Variants in SRL observed in about 807,000 individuals in gnomAD.
SRL encodes the protein sarcalumenin.
SRL carries 23 observed loss-of-function variants against 39.5 expected under a neutral mutation model. The observed-to-expected ratio is 0.58, with a 90% CI of 0.42 to 0.82. The LOEUF (loss-of-function observed/expected upper bound fraction) is 0.82. SRL is among the 40% of genes least tolerant of loss of function. The pLI is 0.00. For synonymous variants in SRL, 272 were observed against 237.4 expected (o/e 1.15, Z -1.34); for missense variants, 592 against 607.8 (o/e 0.97, Z 0.27).
intron 1 of SRL, among the ~76,000 whole-genome samples, chr16:4,221,804 C>T (rs8063163): frequency 0.052 from 7,968 of 152,252 alleles, 718 homozygotes; most frequent in African/African-American, 0.18. Flanking sequence ...GAGACTCCTT[C>T]GTTGCCTCTC....
intron 4 of SRL, among the ~76,000 whole-genome samples, chr16:4,195,988 T>G (rs895056152): frequency 1.3e-5 from 2 of 151,804 alleles, no homozygotes; most frequent in Admixed American, 6.6e-5. Flanking sequence ...TGAGATGGAG[T>G]CTTGCTCTGT....
intron 1 of SRL, among the ~76,000 whole-genome samples, chr16:4,224,142 G>A (rs924646256): frequency 1.3e-5 from 2 of 152,116 alleles, no homozygotes; most frequent in African/African-American, 4.8e-5. Flanking sequence ...GAGGAGAGGA[G>A]GAGGGAGAGA....
At chr16:4,212,214 T>TG (rs1417114322) in intron 1 of SRL, among the ~76,000 whole-genome samples, 2 of 152,156 alleles carry the variant, frequency 1.3e-5, no homozygotes, top group Non-Finnish European at 2.9e-5. Context: ...CTAAACAATT[T>TG]GGAGTAAAAA....
At chr16:4,194,412 C>T (rs1418879423) in intron 5 of SRL, among the ~76,000 whole-genome samples, 2 of 152,156 alleles carry the variant, frequency 1.3e-5, no homozygotes, top group East Asian at 3.8e-4. Flanking sequence ...ATTAGCATTC[C>T]CCTGCTACCT....
At chr16:4,200,366 A>C (rs552926369) in intron 3 of SRL, among the ~76,000 whole-genome samples, 1 of 152,306 alleles carries the variant, frequency 6.6e-6, no homozygotes, top group East Asian at 1.9e-4. Flanking sequence ...ACAAACCACA[A>C]ACAGGGCCCT....
At chr16:4,227,073 T>TGGATG (rs1463266299) in intron 1 of SRL, among the ~76,000 whole-genome samples, 1 of 102,378 alleles carries the variant, frequency 9.8e-6, no homozygotes, top group African/African-American at 4.0e-5. Flanking sequence ...GATGGATGGA[T>TGGATG]GATGGATGGA....
At position 4,203,187 on chromosome 16, in the gene SRL, G is replaced by A; in HGVS notation, c.238C>T (p.Leu80Phe). 1 of 1,614,154 alleles carries A rather than the reference G, an allele frequency of 6.2e-7. No individual in the cohort carries two copies. The highest frequency in any genetic ancestry group is 8.5e-7 in the Non-Finnish European group (1 of 1,179,968). ...PLEQSYKYNE[L>F]RQHEITDGEI... ...CTACCTGTGATCTCATGCTGCCGGA[G>A]CTCATTGTACTTGTAGGACTGCTCC... is the stretch of plus-strand genomic sequence containing the variant. Residue 80 changes from leucine to phenylalanine, a missense_variant, in exon 3 of 6, where the codon CTC becomes TTC. Coordinates refer to ENST00000399609, the MANE Select transcript of SRL (RefSeq NM_001098814.2).
chr16:4,211,184 G>T (rs2052387690), intron 1 of SRL, among the ~76,000 whole-genome samples: 1 of 151,832 alleles, frequency 6.6e-6, no homozygotes, highest in South Asian at 2.1e-4. Flanking sequence ...AAGTTCTTAG[G>T]TAACACACAA....
rs2052068789 is a variant in SRL at position 4,191,789 on chromosome 16, T to C, written c.*364A>G. The C allele has an allele frequency of 5.1e-6, 1 of 194,336 alleles. No homozygotes were observed. The highest frequency in any genetic ancestry group is 1.0e-5 in the Non-Finnish European group (1 of 95,758). 12.0% of individuals were successfully genotyped at this position (194,336 alleles called of 1,614,324 possible). A position where few individuals can be genotyped will look rare whatever the true frequency, so the allele number is the denominator to read the frequency against. ...CTCAGGCCTTCGCTGTTTTCCCAGC[T>C]CACAGGGAACAAAGGAATTTCAGCT... On this transcript the variant is annotated 3_prime_UTR_variant, in exon 6 of 6. Coordinates refer to ENST00000399609, the MANE Select transcript of SRL (RefSeq NM_001098814.2).
rs760111411 is a variant in SRL, at chr16:4,195,583, T to A, written c.580A>T (p.Ile194Phe). 6.2e-7 allele frequency: 1 copy of A among 1,614,174 alleles called. No individual in the cohort carries two copies. Among genetic ancestry groups the A allele is most frequent in the Non-Finnish European group, 8.5e-7 (1 of 1,180,022 alleles). The change falls in exon 5 of 6, where the codon ATC (isoleucine) becomes TTC (phenylalanine). Residue 194 changes from isoleucine to phenylalanine, a missense_variant. Coordinates refer to ENST00000399609, the MANE Select transcript of SRL (RefSeq NM_001098814.2). ...ERVTFVDTPG[I>F]IENRKQQERG... is the part of the protein sequence containing the mutation. ...TCTTGCTGCTTGCGGTTCTCGATGA[T>A]GCCTGGTGTATCCACAAAAGTGACC...
At chr16:4,195,861 G>A in intron 4 of SRL, 75 bp from the exon 5 acceptor site, 1 of 1,276,160 alleles carries the variant, frequency 7.8e-7, no homozygotes, top group Non-Finnish European at 1.1e-6. Flanking sequence ...ATGTGTATAT[G>A]CCTGGTGTCA....
intron 1 of SRL, among the ~76,000 whole-genome samples, chr16:4,216,708 A>G (rs1356600876): frequency 1.3e-5 from 2 of 152,222 alleles, no homozygotes; most frequent in Non-Finnish European, 2.9e-5. Flanking sequence ...CCTGCAGTGA[A>G]CAGAAATCCT....
intron 1 of SRL, among the ~76,000 whole-genome samples, chr16:4,227,776 C>A (rs1445718663): frequency 6.6e-6 from 1 of 152,150 alleles, no homozygotes; most frequent in Non-Finnish European, 1.5e-5. Context: ...TATTAAAAGG[C>A]CCCAGAGGAG....
At chr16:4,212,587 ATCC>A (rs1360408043) in intron 1 of SRL, among the ~76,000 whole-genome samples, 1 of 152,180 alleles carries the variant, frequency 6.6e-6, no homozygotes, top group Non-Finnish European at 1.5e-5. Flanking sequence ...GTCTTGGTCT[ATCC>A]TGGGACATGA....
At chr16:4,235,450 C>T (rs1468012755) in intron 1 of SRL, among the ~76,000 whole-genome samples, 1 of 152,222 alleles carries the variant, frequency 6.6e-6, no homozygotes, top group Admixed American at 6.5e-5. Context: ...AGCCCCATCA[C>T]TTTGGGAGAC....
intron 3 of SRL, among the ~76,000 whole-genome samples, chr16:4,199,693 CTTTTTTTTTTT>C (rs35631556): frequency 1.0e-5 from 1 of 96,424 alleles, no homozygotes; most frequent in Non-Finnish European, 2.0e-5. Flanking sequence ...TTTTCTTTTC[CTTTTTTTTTTT>C]TTTTTTTTTT....
chr16:4,232,370 C>A (rs988435758), intron 1 of SRL, among the ~76,000 whole-genome samples: 6 of 152,210 alleles, frequency 3.9e-5, no homozygotes, highest in Admixed American at 3.3e-4. Context: ...AAGTAATCAA[C>A]AAATTGGCTA....
chr16:4,192,266 G>A lies in SRL; in HGVS notation c.1309C>T (p.Gln437Ter). 1.2e-6 allele frequency: 2 copies of A among 1,614,090 alleles called. No homozygotes were observed. Among genetic ancestry groups the A allele is most frequent in the Non-Finnish European group, 1.7e-6 (2 of 1,179,984 alleles). ...FLEKIERAIT[Q>*]ELPGLLGSLG... ...CTACCCAGGAGGCCCGGAAGCTCCT[G>A]AGTGATGGCCCGCTCAATCTTCTCC... Residue 437 changes from glutamine to a stop codon, truncating the protein, a stop_gained, in exon 6 of 6, where the codon CAG becomes TAG. Coordinates refer to ENST00000399609, the MANE Select transcript of SRL (RefSeq NM_001098814.2). LOFTEE classifies it high-confidence loss of function. The surrounding 1 kb of genome is among the most constrained non-coding windows in gnomAD (Gnocchi z 4.0).
chr16:4,192,945 C>G lies in SRL; in HGVS notation c.630G>C (p.Val210=). ...CAGCTCTGTCGATGAACCACTGGCA[C>G]ACGTCGTTGAAGGGGTAGCCTTTGG... ...QQERGYPFND[V]CQWFIDRADL... is the part of the protein sequence containing the mutation. Residue 210 remains valine, a synonymous_variant, in exon 6 of 6, where the codon GTG becomes GTC. Transcript: ENST00000399609. The surrounding 1 kb of genome is among the most constrained non-coding windows in gnomAD (Gnocchi z 4.0). 1 of 1,611,592 alleles carries G rather than the reference C, an allele frequency of 6.2e-7. No homozygotes were observed. The highest frequency in any genetic ancestry group is 2.2e-5 in the East Asian group (1 of 44,846).
Sources: allele counts gnomAD v4.1 joint callset (sites outside exome capture counted in the v4.1 genomes callset), GRCh38; gene constraint gnomAD v4.1.1; non-coding constraint Gnocchi (gnomAD v3.1); transcripts MANE v1.5; gene names NCBI Gene and HGNC (gene_info 2026-07-23, HGNC 2026-07-21).